The following IRX2 variants were observed in gnomAD, a reference collection of about 807,000 sequenced individuals.
The protein encoded by IRX2 is iroquois-class homeodomain protein IRX-2.
A neutral mutation model predicts 42.9 loss-of-function variants in IRX2; 26 were observed. The observed-to-expected ratio is 0.61, with a 90% CI of 0.44 to 0.84. IRX2 has a LOEUF of 0.84. IRX2 is among the 40% of genes least tolerant of loss of function. The pLI, the probability that IRX2 is intolerant of heterozygous loss-of-function variation, is 0.00. For synonymous variants in IRX2, 424 were observed against 353.9 expected, an observed-to-expected ratio of 1.20 and a Z score of -2.22; for missense variants, 782 against 713.9, an observed-to-expected ratio of 1.10 and a Z score of -1.09.
At chr5:2,745,033 A>G (rs1737626642), downstream of IRX2, among the ~76,000 whole-genome samples, 1 of 152,212 alleles carries the variant, frequency 6.6e-6, no homozygotes, top group Non-Finnish European at 1.5e-5. Flanking sequence ...CCGTTTGTCA[A>G]TATCAACTGG....
At position 2,749,405 on chromosome 5, in the gene IRX2, G is replaced by A. The variant is rs1384459544; in HGVS notation, c.632C>T (p.Thr211Met). The part of the protein sequence containing the change: ...DESPDKAQEG[T>M]ETSAEDEGIS... ...ACCTTCGTCCTCTGCCGAGGTCTCC[G>A]TGCCCTCCTGCGCCTTGTCGGGACT... Residue 211 changes from threonine to methionine, a missense_variant, in exon 2 of 4, where the codon ACG becomes ATG. By Grantham distance (81) the Thr-to-Met change is moderately conservative. This residue lies in a region of IRX2 where 520 missense variants were observed against 437.8 expected (regional missense o/e 1.19). Coordinates refer to ENST00000302057, the MANE Select transcript of IRX2 (RefSeq NM_033267.5). 10 of 1,612,892 alleles carry A rather than the reference G, an allele frequency of 6.2e-6. No individual in the cohort carries two copies. In the South Asian group the frequency reaches 1.1e-4, roughly 18 times the overall value.
At chr5:2,739,513 A>T in the IRX2 span, among the ~76,000 whole-genome samples, 1 of 139,522 alleles carries the variant, frequency 7.2e-6, no homozygotes. Flanking sequence ...TACGGTGTGC[A>T]GGCAGGACCC....
At chr5:2,742,515 T>C (rs1209526330), downstream of IRX2, among the ~76,000 whole-genome samples, 1 of 152,216 alleles carries the variant, frequency 6.6e-6, no homozygotes, top group Non-Finnish European at 1.5e-5. Flanking sequence ...CAGACGGTTG[T>C]GTATTGTTCC....
chr5:2,740,571 T>C, the IRX2 span, among the ~76,000 whole-genome samples: 1 of 152,174 alleles, frequency 6.6e-6, no homozygotes, highest in African/African-American at 2.4e-5. Flanking sequence ...CCCAGTTCCC[T>C]GAAGAAATGA....
At chr5:2,749,187 G>C in intron 2 of IRX2, 135 bp from the exon 3 acceptor site, 10 of 1,472,510 alleles carry the variant, frequency 6.8e-6, no homozygotes, top group Non-Finnish European at 8.9e-6. Flanking sequence ...CACGTGACAG[G>C]CGGAGCCTGA....
downstream of IRX2, among the ~76,000 whole-genome samples, chr5:2,741,150 T>C (rs1737530259): frequency 6.6e-6 from 1 of 152,200 alleles, no homozygotes; most frequent in Non-Finnish European, 1.5e-5. Flanking sequence ...AAAACAAAAG[T>C]TCTCCCCGAA....
downstream of IRX2, among the ~76,000 whole-genome samples, chr5:2,744,740 A>T (rs1484024882): frequency 5.9e-5 from 9 of 152,246 alleles, no homozygotes; most frequent in Admixed American, 5.2e-4. Context: ...ACAGAAAAAC[A>T]GTTCTCCACC....
downstream of IRX2, among the ~76,000 whole-genome samples, chr5:2,742,494 T>G (rs1259153485): frequency 6.6e-6 from 1 of 152,196 alleles, no homozygotes; most frequent in Non-Finnish European, 1.5e-5. Flanking sequence ...AATCATAATA[T>G]CCACATAGCA....
In IRX2 at chr5:2,746,784, T is replaced by C. The variant is rs1737681700; in HGVS notation, c.*780A>G. On this transcript the variant is annotated 3_prime_UTR_variant, in exon 4 of 4. Coordinates refer to ENST00000302057, the MANE Select transcript of IRX2 (RefSeq NM_033267.5). ...TTTTTTTCAAAGCAATTGTGACACCTACCTGTGGACCAAGGAAAAAACCAA... is the reference window on the plus strand; with the variant it reads ...TTTTTTTCAAAGCAATTGTGACACCCACCTGTGGACCAAGGAAAAAACCAA... The C allele has an allele frequency of 7.3e-6, 1 of 136,968 alleles. No homozygotes were observed. Among genetic ancestry groups the C allele is most frequent in the Admixed American group, 7.8e-5 (1 of 12,902 alleles). The allele number at this position is 136,968 out of a possible 1,614,324, so 8.5% of individuals were successfully genotyped here. A position where few individuals can be genotyped will look rare whatever the true frequency, so the allele number is the denominator to read the frequency against.
At chr5:2,737,549 C>T in the IRX2 span, among the ~76,000 whole-genome samples, 1 of 152,326 alleles carries the variant, frequency 6.6e-6, no homozygotes, top group Non-Finnish European at 1.5e-5. Context: ...AGATGAGCCC[C>T]ACTAGCAGGT....
In IRX2 at chr5:2,749,640, G is replaced by C; in HGVS notation, c.397C>G (p.Leu133Val). 6.2e-7 allele frequency: 1 copy of C among 1,614,228 alleles called. No individual in the cohort carries two copies. The highest frequency in any genetic ancestry group is 8.5e-7 in the Non-Finnish European group (1 of 1,180,042). The change falls in exon 2 of 4, where the codon CTC becomes GTC. Residue 133 changes from leucine to valine, a missense_variant. Leu to Val is a conservative substitution (Grantham distance 32, BLOSUM62 1). Coordinates refer to ENST00000302057, the MANE Select transcript of IRX2 (RefSeq NM_033267.5). ...TAGGGGTTCTTGCGGTGCTCGTTGA[G>C]CCAGGCCTTGAGAGTGGCCGTGGCG... The part of the protein sequence containing the change: ...RDATATLKAW[L>V]NEHRKNPYPT...
Position 2,748,866 on chromosome 5 carries a change from T to G in IRX2, c.842A>C (p.Lys281Thr). 6.3e-7 allele frequency: 1 copy of G among 1,592,646 alleles called. No individual in the cohort carries two copies. The highest frequency in any genetic ancestry group is 8.5e-7 in the Non-Finnish European group (1 of 1,177,854). ...GGTAAGCGGCGACGAGGTCACGGGC[T>G]TGGGCGGCGCCAGGCCCCGCTCGCC... ...EEGERGLAPPKPVTSSPLTGL... is the reference protein window; with the variant it reads ...EEGERGLAPPTPVTSSPLTGL... The change falls in exon 3 of 4, where the codon AAG (lysine) becomes ACG (threonine). Residue 281 changes from lysine (K) to threonine (T), a missense_variant. Around this residue, in one of 3 missense-constraint regions of IRX2, gnomAD observed 520 missense variants for 437.8 expected, o/e 1.19. Coordinates refer to ENST00000302057, the MANE Select transcript of IRX2 (RefSeq NM_033267.5).
chr5:2,748,321 CGCCGCCG>C lies in IRX2; in HGVS notation c.1363+17_1363+23del, dbSNP rs1397991980. ...GGCTGGCTCTCCCTCCCCTCCCGGG[CGCCGCCG>C]GCCGCGGGCCGCCTACCTTTCTTGG... is the stretch of plus-strand genomic sequence containing the variant. On this transcript the variant is annotated intron_variant, in intron 3 of 3. Transcript: ENST00000302057. 7.2e-7 allele frequency: 1 copy of C among 1,380,770 alleles called. No individual in the cohort carries two copies. The highest frequency in any genetic ancestry group is 9.3e-7 in the Non-Finnish European group (1 of 1,079,086). The allele number at this position is 1,380,770 out of a possible 1,614,324, so 85.5% of individuals were successfully genotyped here.
At chr5:2,742,844 A>G (rs1737572607), downstream of IRX2, among the ~76,000 whole-genome samples, 1 of 152,176 alleles carries the variant, frequency 6.6e-6, no homozygotes, top group African/African-American at 2.4e-5. Context: ...TTAGGCTGTA[A>G]CAGTGGTAGT....
At chr5:2,742,244 A>G (rs888879919), downstream of IRX2, among the ~76,000 whole-genome samples, 13 of 152,192 alleles carry the variant, frequency 8.5e-5, no homozygotes, top group Non-Finnish European at 1.5e-5. Flanking sequence ...GTCCAAGTGC[A>G]TATTGTTGAA....
At chr5:2,742,563 G>A (rs928975423), downstream of IRX2, among the ~76,000 whole-genome samples, 6 of 152,144 alleles carry the variant, frequency 3.9e-5, no homozygotes, top group Non-Finnish European at 8.8e-5. Context: ...CAAAAAAATA[G>A]TTAAAATGTT....
downstream of IRX2, among the ~76,000 whole-genome samples, chr5:2,744,615 T>C (rs530214620): frequency 4.6e-5 from 7 of 152,202 alleles, no homozygotes; most frequent in Non-Finnish European, 1.0e-4. Context: ...GATGTGTTTG[T>C]TTCCAGATAC....
intron 2 of IRX2, 149 bp from the exon 3 acceptor site, chr5:2,749,201 C>T (rs768430283): frequency 3.0e-4 from 432 of 1,457,370 alleles, no homozygotes; most frequent in Non-Finnish European, 3.7e-4. Context: ...AGCCTGACCT[C>T]CCCGGGAAGG....
In IRX2 at chr5:2,747,318, TA is replaced by T. The variant is rs201430499; in HGVS notation, c.*245del. The T allele has an allele frequency of 4.5e-3, 984 of 219,762 alleles. 8 individuals are homozygous for T. The highest frequency in any genetic ancestry group is 0.018 in the Middle Eastern group (14 of 796). The allele number at this position is 219,762 out of a possible 1,614,324, so 13.6% of individuals were successfully genotyped here. ...ACACACACACACACATATATATATA[TA>T]TTTTTTTTTTCCTTCCCTAGGTAAA... On this transcript the variant is annotated 3_prime_UTR_variant, in exon 4 of 4. Transcript: ENST00000302057.
Sources: gnomAD v4.1 joint callset for allele counts (sites outside exome capture counted in the v4.1 genomes callset) on GRCh38, gnomAD v4.1.1 for gene constraint, gnomAD v4.1.1 regional missense constraint, MANE v1.5 for transcripts, NCBI Gene and HGNC (gene_info 2026-07-23, HGNC 2026-07-21) for gene names.